PARP8: variants seen among roughly 807,000 people sequenced by gnomAD.
The protein encoded by PARP8 is poly(ADP-ribose) polymerase family member 8.
PARP8 carries 51 observed loss-of-function variants against 124.1 expected under a neutral mutation model. That is an observed-to-expected ratio of 0.41 (90% CI 0.33 to 0.52). The LOEUF (loss-of-function observed/expected upper bound fraction) is 0.52, where lower values mean the gene tolerates loss of function less well. Among genes scored for constraint, PARP8 ranks in the 20% least tolerant of loss-of-function variants. The pLI, the probability that PARP8 is intolerant of heterozygous loss-of-function variation, is 0.21. For synonymous variants in PARP8, 391 were observed against 361.5 expected, an observed-to-expected ratio of 1.08 and a Z score of -0.93; for missense variants, 860 against 1,018.9, an observed-to-expected ratio of 0.84 and a Z score of 2.12.
intron 2 of PARP8, among the ~76,000 whole-genome samples, chr5:50,715,771 G>A (rs188859484): frequency 6.6e-6 from 1 of 152,044 alleles, no homozygotes; most frequent in East Asian, 1.9e-4. Flanking sequence ...GTATGAAATT[G>A]GCAGTTGAAA....
rs557599373 is a variant in PARP8 at position 50,830,415 on chromosome 5, G to A, written c.2233+454G>A. On this transcript the variant is annotated intron_variant, in intron 22 of 25. Coordinates refer to ENST00000281631, the MANE Select transcript of PARP8 (RefSeq NM_024615.4). ...TCATCTTTCTTGTTAACAACTTTTTGTAAATTTGGTGAGATTGTGGGAAAA... is the reference window on the plus strand; with the variant it reads ...TCATCTTTCTTGTTAACAACTTTTTATAAATTTGGTGAGATTGTGGGAAAA... Among the ~76,000 whole-genome samples, 118 of 152,228 alleles carry A rather than the reference G, an allele frequency of 7.8e-4. No individual in the cohort carries two copies. The South Asian group carries it at 0.01, about 13-fold the overall frequency.
At chr5:50,787,718 C>A (rs1015088704) in intron 9 of PARP8, among the ~76,000 whole-genome samples, 1 of 151,580 alleles carries the variant, frequency 6.6e-6, no homozygotes, top group African/African-American at 2.4e-5. Context: ...GAAAAATGAG[C>A]GACTTTTTTG....
chr5:50,832,485 A>G (rs955828911), intron 22 of PARP8, among the ~76,000 whole-genome samples: 1 of 152,146 alleles, frequency 6.6e-6, no homozygotes, highest in Non-Finnish European at 1.5e-5. Flanking sequence ...AGTGGGAATG[A>G]AAGTTAGGTT....
At chr5:50,767,212 T>A (rs1388963459) in intron 7 of PARP8, among the ~76,000 whole-genome samples, 3 of 152,190 alleles carry the variant, frequency 2.0e-5, no homozygotes, top group Non-Finnish European at 4.4e-5. Context: ...AAATCTTTTT[T>A]CGTTTTGAGC....
intron 2 of PARP8, among the ~76,000 whole-genome samples, chr5:50,736,673 C>T (rs1320433463): frequency 1.3e-5 from 2 of 152,156 alleles, no homozygotes; most frequent in African/African-American, 4.8e-5. Context: ...ACAAGAATCA[C>T]TTACATTATT....
intron 2 of PARP8, among the ~76,000 whole-genome samples, chr5:50,721,450 AT>A (rs11314077): frequency 0.025 from 3,792 of 152,184 alleles, 160 homozygotes; most frequent in African/African-American, 0.087. Context: ...GTATTTTGTA[AT>A]TTATCTCAGA....
At chr5:50,832,301 T>A (rs1028522826) in intron 22 of PARP8, among the ~76,000 whole-genome samples, 1 of 152,192 alleles carries the variant, frequency 6.6e-6, no homozygotes, top group Non-Finnish European at 1.5e-5. Context: ...AAGCTAAAAT[T>A]TGTGAATATT....
chr5:50,686,174 T>C (rs1751836841), intron 2 of PARP8, among the ~76,000 whole-genome samples: 1 of 152,214 alleles, frequency 6.6e-6, no homozygotes, highest in South Asian at 2.1e-4. Context: ...CCTAGATGCA[T>C]TGCGGATACA....
intron 2 of PARP8, among the ~76,000 whole-genome samples, chr5:50,742,518 T>G (rs1247669039): frequency 6.6e-6 from 1 of 152,112 alleles, no homozygotes; most frequent in African/African-American, 2.4e-5. Flanking sequence ...ATAAAGGGAA[T>G]GCCTTGAGGA....
At chr5:50,690,873 A>G (rs1752421798) in intron 2 of PARP8, among the ~76,000 whole-genome samples, 1 of 152,210 alleles carries the variant, frequency 6.6e-6, no homozygotes, top group African/African-American at 2.4e-5. Context: ...CCTATTATCC[A>G]TAGTAGTTCT....
At chr5:50,668,761 A>G (rs1749660181) in intron 2 of PARP8, 1 of 152,298 alleles carries the variant, frequency 6.6e-6, no homozygotes, top group Admixed American at 6.5e-5. Flanking sequence ...TTTAGGAAGT[A>G]GAGTTAAAAT....
At position 50,803,673 on chromosome 5, in the gene PARP8, G is replaced by T. The variant is rs533885354; in HGVS notation, c.1575+6440G>T. Among the ~76,000 whole-genome samples the T allele has an allele frequency of 1.7e-3, 256 of 151,946 alleles. 1 individual carries two copies. Among genetic ancestry groups the T allele is most frequent in the African/African-American group, 6.0e-3 (247 of 41,404 alleles). On this transcript the variant is annotated intron_variant, in intron 14 of 25. Coordinates refer to ENST00000281631, the MANE Select transcript of PARP8 (RefSeq NM_024615.4). ...TTTATTTTTATAAATTCTATAAATT[G>T]ATACTCTCTGTTGACATTGTCTTTT...
intron 2 of PARP8, among the ~76,000 whole-genome samples, chr5:50,742,104 CT>C (rs1220913061): frequency 3.9e-5 from 6 of 152,358 alleles, no homozygotes; most frequent in East Asian, 1.9e-4. Context: ...GCCACCGCCC[CT>C]GGCCGCATTT....
intron 2 of PARP8, among the ~76,000 whole-genome samples, chr5:50,698,586 C>T (rs1370279051): frequency 2.6e-5 from 4 of 151,980 alleles, no homozygotes; most frequent in Non-Finnish European, 5.9e-5. Context: ...CAATTTTTTC[C>T]CCCCAAAGCA....
rs1748422251 is a variant in PARP8, at chr5:50,843,986, T to G, written c.*1918T>G. 1 of 151,786 alleles carries G rather than the reference T, an allele frequency of 6.6e-6. No homozygotes were observed. Among genetic ancestry groups the G allele is most frequent in the Admixed American group, 6.6e-5 (1 of 15,190 alleles). The allele number at this position is 151,786 out of a possible 1,614,324, so 9.4% of individuals were successfully genotyped here. A position where few individuals can be genotyped will look rare whatever the true frequency, so the allele number is the denominator to read the frequency against. On this transcript the variant is annotated 3_prime_UTR_variant, in exon 26 of 26. Transcript: ENST00000281631. ...CCTCCAATAAGCTCTGTAGAGTGCC[T>G]CCAGCATAATTCAAAATCCACTGAC...
At position 50,842,806 on chromosome 5, in the gene PARP8, C is replaced by G. The variant is rs1748306616; in HGVS notation, c.*738C>G. The G allele has an allele frequency of 6.6e-6, 1 of 151,636 alleles. No homozygotes were observed. The highest frequency in any genetic ancestry group is 1.5e-5 in the Non-Finnish European group (1 of 67,750). 9.4% of individuals were successfully genotyped at this position (151,636 alleles called of 1,614,324 possible). On this transcript the variant is annotated 3_prime_UTR_variant, in exon 26 of 26. Transcript: ENST00000281631. Reference sequence around the variant, plus strand: ...TCAAGATATGAGCCAGATTTACCACCATTCATTCACTGAAAATATTTGCAG... The same window carrying G: ...TCAAGATATGAGCCAGATTTACCACGATTCATTCACTGAAAATATTTGCAG...
chr5:50,775,635 A>G (rs1250893636), intron 7 of PARP8, among the ~76,000 whole-genome samples: 1 of 152,088 alleles, frequency 6.6e-6, no homozygotes, highest in Non-Finnish European at 1.5e-5. Flanking sequence ...ATTTATTCCT[A>G]TGTATTTTAT....
chr5:50,811,255 A>G (rs1219093169), intron 14 of PARP8, among the ~76,000 whole-genome samples: 1 of 152,136 alleles, frequency 6.6e-6, no homozygotes, highest in East Asian at 1.9e-4. Flanking sequence ...AATAAAGTTG[A>G]TTTAGAACTT....
rs1296406689 is a variant in PARP8, at chr5:50,842,200, T to A, written c.*132T>A. 1.1e-5 allele frequency: 7 copies of A among 623,050 alleles called. No individual in the cohort carries two copies. The highest frequency in any genetic ancestry group is 1.4e-5 in the Non-Finnish European group (5 of 362,890). The allele number at this position is 623,050 out of a possible 1,614,324, so 38.6% of individuals were successfully genotyped here. A position where few individuals can be genotyped will look rare whatever the true frequency, so the allele number is the denominator to read the frequency against. On this transcript the variant is annotated 3_prime_UTR_variant, in exon 26 of 26. Transcript: ENST00000281631. ...TAACCCTTTGAATACTGATTTTTTTTCTTAGTATTTCTAAGTATCTCATTA... is the reference window on the plus strand; with the variant it reads ...TAACCCTTTGAATACTGATTTTTTTACTTAGTATTTCTAAGTATCTCATTA...
Sources: gnomAD v4.1 joint callset for allele counts (sites outside exome capture counted in the v4.1 genomes callset) on GRCh38, gnomAD v4.1.1 for gene constraint, MANE v1.5 for transcripts, NCBI Gene and HGNC (gene_info 2026-07-23, HGNC 2026-07-21) for gene names.